The following COL24A1 variants were observed in gnomAD, a reference collection of about 807,000 sequenced individuals.
COL24A1 encodes collagen type XXIV alpha 1 chain, also known as collagen alpha-1(XXIV) chain.
A neutral mutation model predicts 253.9 loss-of-function variants in COL24A1; 224 were observed. That is an observed-to-expected ratio of 0.88 (90% confidence interval 0.79 to 0.99). The LOEUF is 0.99. Among genes scored for constraint, COL24A1 ranks in the 50% least tolerant of loss-of-function variants. COL24A1 has a pLI of 0.00. For synonymous variants in COL24A1, 685 were observed against 673.7 expected, an observed-to-expected ratio of 1.02 and a Z score of -0.26; for missense variants, 2,131 against 2,068.5, an observed-to-expected ratio of 1.03 and a Z score of -0.59.
At chr1:85,906,020 A>G (rs1192895166) in intron 28 of COL24A1, among the ~76,000 whole-genome samples, 1 of 151,996 alleles carries the variant, frequency 6.6e-6, no homozygotes, top group Non-Finnish European at 1.5e-5. Flanking sequence ...CAAATCATCT[A>G]TCATCATTTT....
At position 85,969,604 on chromosome 1, in the gene COL24A1, C is replaced by CAAAAAA. The variant is rs61128567; in HGVS notation, c.2463+617_2463+622dup. Among the ~76,000 whole-genome samples the CAAAAAA allele has an allele frequency of 1.4e-3, 39 of 27,478 alleles. 3 individuals are homozygous for CAAAAAA. The highest frequency in any genetic ancestry group is 2.7e-3 in the African/African-American group (18 of 6,632). The allele number at this position is 27,478 out of a possible 152,430, so 18.0% of individuals were successfully genotyped here. On this transcript the variant is annotated intron_variant, in intron 22 of 59. Coordinates refer to ENST00000370571, the MANE Select transcript of COL24A1 (RefSeq NM_152890.7). ...TGGATGACAGAGTGAGACTCTGTCTCAAAAAAAAAAAAAAAAAAAAAAAAA... is the reference window on the plus strand; with the variant it reads ...TGGATGACAGAGTGAGACTCTGTCTCAAAAAAAAAAAAAAAAAAAAAAAAAAAAAAA...
intron 4 of COL24A1, among the ~76,000 whole-genome samples, chr1:86,112,850 ATATC>A (rs1398120832): frequency 6.6e-6 from 1 of 152,228 alleles, no homozygotes; most frequent in East Asian, 1.9e-4. Context: ...ACATGAAGCA[ATATC>A]TCTCTCCTAC....
At chr1:85,744,863 G>A (rs7547023) in intron 56 of COL24A1, 29 bp from the exon 57 acceptor site, 1,496,171 of 1,584,490 alleles carry the variant, frequency 0.94, 709,169 homozygotes, top group Non-Finnish European at 0.97. Flanking sequence ...AATTATATAA[G>A]CAAAAAAATC....
intron 53 of COL24A1, among the ~76,000 whole-genome samples, chr1:85,773,777 T>A (rs1055110317): frequency 6.6e-6 from 1 of 152,246 alleles, no homozygotes; most frequent in Admixed American, 6.5e-5. Flanking sequence ...GGGGCTGAGA[T>A]GATGGGGTTT....
chr1:86,111,859 A>G (rs1258502288), intron 5 of COL24A1, among the ~76,000 whole-genome samples: 4 of 152,114 alleles, frequency 2.6e-5, no homozygotes, highest in African/African-American at 4.8e-5. Context: ...AACACTAACC[A>G]TGAACGTCTG....
At chr1:85,965,562 T>C (rs1691482879) in intron 22 of COL24A1, among the ~76,000 whole-genome samples, 1 of 148,992 alleles carries the variant, frequency 6.7e-6, no homozygotes, top group African/African-American at 2.5e-5. Context: ...TTGATGACAA[T>C]GAGAGAGAGA....
At position 86,026,569 on chromosome 1, in the gene COL24A1, T is replaced by C. The variant is rs114214129; in HGVS notation, c.2050-3562A>G. Among the ~76,000 whole-genome samples the C allele has an allele frequency of 2.4e-3, 365 of 152,358 alleles. 2 individuals carry two copies. The highest frequency in any genetic ancestry group is 8.5e-3 in the African/African-American group (354 of 41,584). On this transcript the variant is annotated intron_variant, in intron 14 of 59. Coordinates refer to ENST00000370571, the MANE Select transcript of COL24A1 (RefSeq NM_152890.7). Reference sequence around the variant, plus strand: ...TCTCCTTTGCCTTCCAACATGACTGTAAGTTTCCTGAGGTCACCCCAGCAA... The same window carrying C: ...TCTCCTTTGCCTTCCAACATGACTGCAAGTTTCCTGAGGTCACCCCAGCAA...
At position 85,868,821 on chromosome 1, in the gene COL24A1, A is replaced by G; in HGVS notation, c.3153T>C (p.Ala1051=). 9 of 1,590,300 alleles carry G rather than the reference A, an allele frequency of 5.7e-6. No homozygotes were observed. Among genetic ancestry groups the G allele is most frequent in the Non-Finnish European group, 7.7e-6 (9 of 1,169,552 alleles). The change falls in exon 36 of 60, where the codon GCT becomes GCC. Residue 1051 remains alanine, a synonymous_variant. Transcript: ENST00000370571. The part of the protein sequence containing the change: ...GEPGLRGEPG[A]PGEEGLQGKD... Reference sequence around the variant, plus strand: ...TTCCCTGGAGACCTTCTTCTCCAGGAGCTCCTGGTTCACCCTATTTTGTAG... The same window carrying G: ...TTCCCTGGAGACCTTCTTCTCCAGGGGCTCCTGGTTCACCCTATTTTGTAG...
chr1:85,809,092 T>C (rs1350492523), intron 47 of COL24A1, among the ~76,000 whole-genome samples: 2 of 152,204 alleles, frequency 1.3e-5, no homozygotes, highest in Non-Finnish European at 2.9e-5. Flanking sequence ...TCTACAATAG[T>C]GATGTTATCT....
chr1:86,055,062 G>A (rs899152449), intron 10 of COL24A1, among the ~76,000 whole-genome samples: 1 of 152,118 alleles, frequency 6.6e-6, no homozygotes, highest in Non-Finnish European at 1.5e-5. Flanking sequence ...AATACTGCAT[G>A]TTCTCACTTA....
intron 19 of COL24A1, among the ~76,000 whole-genome samples, chr1:85,996,659 A>G (rs1325577490): frequency 6.6e-6 from 1 of 152,092 alleles, no homozygotes; most frequent in African/African-American, 2.4e-5. Flanking sequence ...AAACAAAACA[A>G]AAAACAAAGA....
chr1:85,756,526 A>G (rs1189189333), intron 55 of COL24A1, among the ~76,000 whole-genome samples: 3 of 152,224 alleles, frequency 2.0e-5, no homozygotes, highest in Non-Finnish European at 2.9e-5. Flanking sequence ...CTTCATAACC[A>G]TTAGGATGGC....
intron 19 of COL24A1, among the ~76,000 whole-genome samples, chr1:85,988,128 T>G (rs992481647): frequency 6.6e-6 from 1 of 151,426 alleles, no homozygotes; most frequent in Non-Finnish European, 1.5e-5. Context: ...CCCAAAATTA[T>G]GGCTTAATAT....
At position 86,141,939 on chromosome 1, in the gene COL24A1, T is replaced by C. The variant is rs564302666; in HGVS notation, c.121+4180A>G. Among the ~76,000 whole-genome samples, 7 of 152,130 alleles carry C rather than the reference T, an allele frequency of 4.6e-5. No individual in the cohort carries two copies. In the South Asian group the frequency reaches 1.2e-3, roughly 27 times the overall value. ...GGCTCGAACTCCTGACCTCAGATAA[T>C]GTACCCGCCTCAGTCTCCCAAAGTG... On this transcript the variant is annotated intron_variant, in intron 2 of 59. Coordinates refer to ENST00000370571, the MANE Select transcript of COL24A1 (RefSeq NM_152890.7).
At chr1:86,025,989 A>G (rs1697990398) in intron 14 of COL24A1, among the ~76,000 whole-genome samples, 1 of 152,164 alleles carries the variant, frequency 6.6e-6, no homozygotes, top group African/African-American at 2.4e-5. Context: ...TTTACATTTA[A>G]TCAATTATAG....
chr1:85,891,333 G>T (rs1001566388), intron 31 of COL24A1, among the ~76,000 whole-genome samples: 2 of 151,778 alleles, frequency 1.3e-5, no homozygotes, highest in African/African-American at 4.8e-5. Context: ...CAAAGTGCTG[G>T]GATTACAGGC....
intron 53 of COL24A1, among the ~76,000 whole-genome samples, chr1:85,773,847 T>C (rs1668243226): frequency 6.6e-6 from 1 of 152,182 alleles, no homozygotes; most frequent in Admixed American, 6.6e-5. Flanking sequence ...CTCTTCCTAT[T>C]TGAATACCCT....
rs2088975 is a variant in COL24A1, at chr1:85,913,640, T to A, written c.2563-2207A>T. ...ATCAACAGCCAAAGAAGGGAGTTAC[T>A]GTGTTGGCTATGTTGCTTAATTCTG... On this transcript the variant is annotated intron_variant, in intron 24 of 59. Coordinates refer to ENST00000370571, the MANE Select transcript of COL24A1 (RefSeq NM_152890.7). Among the ~76,000 whole-genome samples, 326 of 152,298 alleles carry A rather than the reference T, an allele frequency of 2.1e-3. 10 individuals carry two copies. The South Asian group carries it at 0.052, about 24-fold the overall frequency.
chr1:85,831,275 G>T (rs1675245336), intron 43 of COL24A1, among the ~76,000 whole-genome samples: 2 of 152,070 alleles, frequency 1.3e-5, no homozygotes, highest in African/African-American at 4.8e-5. Flanking sequence ...GGAAAGAAGT[G>T]GCTGGTGAAA....
Sources: gnomAD v4.1 joint callset for allele counts (sites outside exome capture counted in the v4.1 genomes callset) on GRCh38, gnomAD v4.1.1 for gene constraint, MANE v1.5 for transcripts, NCBI Gene and HGNC (gene_info 2026-07-23, HGNC 2026-07-21) for gene names.